The following MGAT4C variants were observed in gnomAD, a reference collection of about 807,000 sequenced individuals.
MGAT4C encodes the protein MGAT4 family member C.
Under a neutral mutation model 40.1 loss-of-function variants are expected in MGAT4C, and 19 were observed. The ratio of observed to expected loss-of-function variants is 0.47; its 90% CI spans 0.33 to 0.70. The LOEUF (loss-of-function observed/expected upper bound fraction) is 0.70. Ranked by LOEUF, MGAT4C falls within the 30% of genes least tolerant of loss-of-function variation. MGAT4C has a pLI of 0.02. For missense variants in MGAT4C, 491 were observed against 563.2 expected, an observed-to-expected ratio of 0.87 and a Z score of 1.30; for synonymous variants, 181 against 187.1, an observed-to-expected ratio of 0.97 and a Z score of 0.27.
intron 1 of MGAT4C, among the ~76,000 whole-genome samples, chr12:86,249,152 T>A (rs1406075546): frequency 6.6e-6 from 1 of 152,120 alleles, no homozygotes; most frequent in Non-Finnish European, 1.5e-5. Context: ...AGCCCAATAG[T>A]AAAGCATTTT....
intron 1 of MGAT4C, among the ~76,000 whole-genome samples, chr12:86,198,509 G>A (rs759935155): frequency 5.3e-5 from 8 of 151,834 alleles, no homozygotes; most frequent in Admixed American, 1.3e-4. Flanking sequence ...TGTTTTTCTC[G>A]CATTTTCATT....
intron 2 of MGAT4C, among the ~76,000 whole-genome samples, chr12:86,589,216 G>A (rs1961212697): frequency 6.6e-6 from 1 of 151,786 alleles, no homozygotes; most frequent in Non-Finnish European, 1.5e-5. Flanking sequence ...AATGATAAAG[G>A]GGATATCACC....
At chr12:86,671,624 G>A (rs764202314) in intron 2 of MGAT4C, among the ~76,000 whole-genome samples, 23 of 152,074 alleles carry the variant, frequency 1.5e-4, no homozygotes, top group Non-Finnish European at 1.9e-4. Context: ...TCTATACTAA[G>A]GGAGACCAAA....
At chr12:86,209,949 C>T (rs1197906942) in intron 1 of MGAT4C, among the ~76,000 whole-genome samples, 1 of 152,188 alleles carries the variant, frequency 6.6e-6, no homozygotes, top group Non-Finnish European at 1.5e-5. Flanking sequence ...AATTCCCTCA[C>T]TCAATTGCCT....
intron 3 of MGAT4C, among the ~76,000 whole-genome samples, chr12:86,430,099 T>C (rs927082310): frequency 3.9e-5 from 6 of 152,210 alleles, no homozygotes; most frequent in Middle Eastern, 3.2e-3. Flanking sequence ...AAGATTTCTG[T>C]CTGGTTCTTT....
Position 85,975,957 on chromosome 12 carries a change from C to G in MGAT4C, c.*3332G>C, listed in dbSNP as rs952080804. The stretch of plus-strand genomic sequence containing the variant: ...TGGATGTAGTGTTTTCAATGTTAAT[C>G]CTGGTATCATGTTCTTTGCCATAAA... On this transcript the variant is annotated 3_prime_UTR_variant, in exon 5 of 5. Coordinates refer to ENST00000611864, the MANE Select transcript of MGAT4C (RefSeq NM_001351288.2). The G allele has an allele frequency of 3.0e-4, 45 of 151,056 alleles. No homozygotes were observed. Among genetic ancestry groups the G allele is most frequent in the African/African-American group, 1.1e-3 (44 of 41,442 alleles). The allele number at this position is 151,056 out of a possible 1,614,324, so 9.4% of individuals were successfully genotyped here.
intron 2 of MGAT4C, among the ~76,000 whole-genome samples, chr12:86,537,669 T>C (rs1959098175): frequency 6.6e-6 from 1 of 152,212 alleles, no homozygotes; most frequent in Non-Finnish European, 1.5e-5. Flanking sequence ...TTAATATTTG[T>C]TGAGTGAACG....
intron 2 of MGAT4C, among the ~76,000 whole-genome samples, chr12:86,635,475 T>C (rs2136512210): frequency 6.6e-6 from 1 of 152,156 alleles, no homozygotes; most frequent in Admixed American, 6.6e-5. Context: ...AGGTGTATTG[T>C]GGGTGAGTGC....
At chr12:86,498,655 C>T (rs1958283680) in intron 2 of MGAT4C, among the ~76,000 whole-genome samples, 2 of 151,884 alleles carry the variant, frequency 1.3e-5, no homozygotes, top group South Asian at 2.1e-4. Context: ...GCATACTGTA[C>T]TTATAGCCAG....
intron 1 of MGAT4C, among the ~76,000 whole-genome samples, chr12:86,103,263 T>C (rs1332002934): frequency 6.6e-6 from 1 of 152,148 alleles, no homozygotes; most frequent in Admixed American, 6.6e-5. Context: ...TAATATTTTA[T>C]GTGGCAGAAA....
At chr12:86,062,060 C>T (rs1028489391) in intron 1 of MGAT4C, among the ~76,000 whole-genome samples, 1 of 152,134 alleles carries the variant, frequency 6.6e-6, no homozygotes, top group Non-Finnish European at 1.5e-5. Context: ...GGCTCCCTGA[C>T]CCCCACGTAT....
chr12:86,624,492 T>C (rs1295615234), intron 2 of MGAT4C, among the ~76,000 whole-genome samples: 1 of 152,182 alleles, frequency 6.6e-6, no homozygotes, highest in Non-Finnish European at 1.5e-5. Context: ...AGAATCTTTA[T>C]TGAATCATTA....
intron 1 of MGAT4C, among the ~76,000 whole-genome samples, chr12:86,815,742 G>T (rs976356409): frequency 6.6e-6 from 1 of 151,144 alleles, no homozygotes; most frequent in African/African-American, 2.4e-5. Context: ...ATTACTCTAA[G>T]TTAAGTAACT....
chr12:86,196,154 C>G (rs1212962253), intron 1 of MGAT4C, among the ~76,000 whole-genome samples: 1 of 152,150 alleles, frequency 6.6e-6, no homozygotes, highest in Non-Finnish European at 1.5e-5. Flanking sequence ...AGGCCTCTCT[C>G]TCTCTCCTTG....
chr12:86,195,480 T>C (rs1949767854), intron 1 of MGAT4C, among the ~76,000 whole-genome samples: 1 of 152,178 alleles, frequency 6.6e-6, no homozygotes, highest in Non-Finnish European at 1.5e-5. Flanking sequence ...AGTCTTTGGA[T>C]ACAAGCTTTC....
At chr12:86,158,526 A>T (rs73177225) in intron 1 of MGAT4C, among the ~76,000 whole-genome samples, 6,802 of 152,156 alleles carry the variant, frequency 0.045, 215 homozygotes, top group Non-Finnish European at 0.067. Flanking sequence ...TCTTCTTCTT[A>T]TTTCATGTCT....
chr12:86,776,558 T>C (rs1951751713), intron 1 of MGAT4C, among the ~76,000 whole-genome samples: 1 of 152,084 alleles, frequency 6.6e-6, no homozygotes, highest in African/African-American at 2.4e-5. Flanking sequence ...TTCTAAGTGA[T>C]CATTTAGAGC....
At chr12:86,838,517 A>T (rs1953086673) in intron 1 of MGAT4C, 1 of 152,168 alleles carries the variant, frequency 6.6e-6, no homozygotes, top group South Asian at 2.1e-4. Context: ...AGATTATTTC[A>T]CCTATAAACA....
At chr12:86,301,137 C>T (rs754808827) in intron 4 of MGAT4C, among the ~76,000 whole-genome samples, 1 of 152,098 alleles carries the variant, frequency 6.6e-6, no homozygotes, top group Non-Finnish European at 1.5e-5. Context: ...CATTCACGCC[C>T]AGGGGCTCAC....
Sources: gnomAD v4.1 joint callset for allele counts (sites outside exome capture counted in the v4.1 genomes callset) on GRCh38, gnomAD v4.1.1 for gene constraint, MANE v1.5 for transcripts, NCBI Gene and HGNC (gene_info 2026-07-23, HGNC 2026-07-21) for gene names.